Variants in CREB5 observed in about 807,000 individuals in gnomAD.
The protein encoded by CREB5 is cAMP responsive element binding protein 5, also known as cyclic AMP-responsive element-binding protein 5.
In CREB5, 19 loss-of-function variants were observed where a neutral mutation model predicts 57.1. The ratio of observed to expected loss-of-function variants is 0.33; its 90% CI spans 0.23 to 0.49. The LOEUF is 0.49. Among genes scored for constraint, CREB5 ranks in the 20% least tolerant of loss-of-function variants. The probability of loss-of-function intolerance (pLI) is 0.99; values close to 1 mark genes in which losing one functional copy is unlikely to be tolerated. For missense variants in CREB5, 579 were observed against 671.6 expected (o/e 0.86, Z 1.52); for synonymous variants, 238 against 238.3 (o/e 1.00, Z 0.01).
At chr7:28,802,384 A>G (rs1317814277) in intron 7 of CREB5, among the ~76,000 whole-genome samples, 1 of 152,066 alleles carries the variant, frequency 6.6e-6, no homozygotes, top group African/African-American at 2.4e-5. Context: ...GATTAATTGA[A>G]TTGGTATTTT....
chr7:28,353,818 GGGGAA>G (rs78840553), intron 1 of CREB5, among the ~76,000 whole-genome samples: 53,018 of 146,746 alleles, frequency 0.36, 9,630 homozygotes, highest in Non-Finnish European at 0.39. Flanking sequence ...ACTCCAGCCT[GGGGAA>G]CAAAGCAAGA....
rs899415229 is a variant in CREB5 at position 28,499,745 on chromosome 7, G to A, written c.169+4746G>A. Among the ~76,000 whole-genome samples, 8 of 152,086 alleles carry A rather than the reference G, an allele frequency of 5.3e-5. No homozygotes were observed. In the South Asian group the frequency reaches 8.3e-4, roughly 16 times the overall value. ...ATTACAGGCGTGCACCACCACACTCGGCTAATTTTGCATTTTTAGTAGAAA... is the reference window on the plus strand; with the variant it reads ...ATTACAGGCGTGCACCACCACACTCAGCTAATTTTGCATTTTTAGTAGAAA... On this transcript the variant is annotated intron_variant, in intron 3 of 10. Transcript: ENST00000357727.
At chr7:28,745,681 A>C (rs972439404) in intron 7 of CREB5, among the ~76,000 whole-genome samples, 5 of 152,184 alleles carry the variant, frequency 3.3e-5, no homozygotes, top group African/African-American at 9.7e-5. Context: ...CAGATGATCC[A>C]CACCTCTGGA....
chr7:28,316,731 A>G (rs370527477), intron 1 of CREB5, among the ~76,000 whole-genome samples: 5 of 152,248 alleles, frequency 3.3e-5, no homozygotes, highest in Admixed American at 6.5e-5. Flanking sequence ...TGAAAATTCT[A>G]CTGCTTAGTA....
intron 7 of CREB5, among the ~76,000 whole-genome samples, chr7:28,757,692 A>G (rs1483282011): frequency 3.3e-5 from 5 of 151,748 alleles, no homozygotes; most frequent in Non-Finnish European, 7.4e-5. Context: ...AAAAAGAAGT[A>G]ATAGTATGAA....
At chr7:28,326,162 T>TATCTATCC (rs1383925202) in intron 1 of CREB5, among the ~76,000 whole-genome samples, 111 of 24,570 alleles carry the variant, frequency 4.5e-3, no homozygotes, top group African/African-American at 0.015. Context: ...ATTATCTATC[T>TATCTATCC]ATCTATCTAT....
At chr7:28,365,988 T>C (rs552395972) in intron 1 of CREB5, among the ~76,000 whole-genome samples, 1 of 152,328 alleles carries the variant, frequency 6.6e-6, no homozygotes, top group African/African-American at 2.4e-5. Context: ...AAAACTGTTA[T>C]ATGGTTCTTT....
At chr7:28,469,342 G>A (rs530719024) in intron 1 of CREB5, among the ~76,000 whole-genome samples, 4 of 152,176 alleles carry the variant, frequency 2.6e-5, no homozygotes, top group Non-Finnish European at 5.9e-5. Context: ...GTTGTGCCCT[G>A]GGGAACAACA....
intron 1 of CREB5, among the ~76,000 whole-genome samples, chr7:28,343,142 G>A (rs1017357183): frequency 1.8e-4 from 28 of 152,014 alleles, no homozygotes; most frequent in Admixed American, 5.9e-4. Flanking sequence ...GGATTTCACC[G>A]TGTTAGCCAG....
At chr7:28,450,336 C>G (rs757455499) in intron 1 of CREB5, among the ~76,000 whole-genome samples, 28 of 152,154 alleles carry the variant, frequency 1.8e-4, no homozygotes, top group Non-Finnish European at 3.7e-4. Context: ...ACACTAGAAA[C>G]AGCTGGTGAA....
chr7:28,706,707 C>T (rs1326318775), intron 5 of CREB5, among the ~76,000 whole-genome samples: 1 of 152,136 alleles, frequency 6.6e-6, no homozygotes, highest in Non-Finnish European at 1.5e-5. Context: ...AGTGCTCTTG[C>T]AAAGTGGGAG....
At chr7:28,800,101 A>ATTAAT (rs1157671171) in intron 7 of CREB5, among the ~76,000 whole-genome samples, 1 of 152,224 alleles carries the variant, frequency 6.6e-6, no homozygotes, top group Non-Finnish European at 1.5e-5. Flanking sequence ...GTTGATGAAT[A>ATTAAT]TTAATTAAAT....
Position 28,594,587 on chromosome 7 carries a change from A to G in CREB5, c.464+24050A>G, listed in dbSNP as rs138345346. 7.9e-4 allele frequency among the ~76,000 whole-genome samples: 120 copies of G among 152,340 alleles called. 2 individuals carry two copies. Among genetic ancestry groups the G allele is most frequent in the Middle Eastern group, 3.4e-3 (1 of 294 alleles). ...ATGCCTGTGTGACTTTAACATGTCA[A>G]TCACTCAACTAGACGGTGGACACAT... On this transcript the variant is annotated intron_variant, in intron 5 of 10. Coordinates refer to ENST00000357727, the MANE Select transcript of CREB5 (RefSeq NM_182898.4).
At chr7:28,687,525 T>C (rs1801005260) in intron 5 of CREB5, among the ~76,000 whole-genome samples, 1 of 148,586 alleles carries the variant, frequency 6.7e-6, no homozygotes, top group African/African-American at 2.5e-5. Context: ...GTTGGGTGCT[T>C]TCTGACACCA....
At chr7:28,375,508 A>G (rs964740538) in intron 1 of CREB5, among the ~76,000 whole-genome samples, 2 of 152,188 alleles carry the variant, frequency 1.3e-5, no homozygotes, top group Non-Finnish European at 2.9e-5. Context: ...CTAAAAGAGT[A>G]TCATTGGATT....
Position 28,820,415 on chromosome 7 carries a change from T to TG in CREB5, c.*1136_*1137insG, listed in dbSNP as rs1315906712. 2.0e-4 allele frequency: 3 copies of TG among 14,820 alleles called. No individual in the cohort carries two copies. Among genetic ancestry groups the TG allele is most frequent in the Non-Finnish European group, 5.5e-4 (3 of 5,406 alleles). 0.9% of individuals were successfully genotyped at this position (14,820 alleles called of 1,614,324 possible). A position where few individuals can be genotyped will look rare whatever the true frequency, so the allele number is the denominator to read the frequency against. On this transcript the variant is annotated 3_prime_UTR_variant, in exon 11 of 11. Transcript: ENST00000357727. ...TCAGCTGCTAATAGCCTAAGATTTA[T>TG]TTTTTTTTTTTTCTTAAGCCTATGG...
intron 1 of CREB5, among the ~76,000 whole-genome samples, chr7:28,346,947 G>T (rs1258290494): frequency 6.6e-6 from 1 of 152,134 alleles, no homozygotes; most frequent in Non-Finnish European, 1.5e-5. Flanking sequence ...AGTACCACTG[G>T]GTTGGCCTTG....
chr7:28,675,557 C>T (rs1026098854), intron 5 of CREB5, among the ~76,000 whole-genome samples: 2 of 152,074 alleles, frequency 1.3e-5, no homozygotes, highest in Admixed American at 6.5e-5. Context: ...AAAGGGGAGA[C>T]GAGAGAGAAA....
At chr7:28,358,666 C>T (rs1310971943) in intron 1 of CREB5, among the ~76,000 whole-genome samples, 1 of 152,194 alleles carries the variant, frequency 6.6e-6, no homozygotes, top group African/African-American at 2.4e-5. Context: ...GCCATGAGCT[C>T]ATCTGATCTC....
Sources: gnomAD v4.1 joint callset for allele counts (sites outside exome capture counted in the v4.1 genomes callset) on GRCh38, gnomAD v4.1.1 for gene constraint, MANE v1.5 for transcripts, NCBI Gene and HGNC (gene_info 2026-07-23, HGNC 2026-07-21) for gene names.